The following MBD5 variants were observed in gnomAD, a reference collection of about 807,000 sequenced individuals.
MBD5 encodes methyl-CpG-binding domain protein 5.
MBD5 carries 13 observed loss-of-function variants against 117.3 expected under a neutral mutation model. The ratio of observed to expected loss-of-function variants is 0.11; its 90% confidence interval spans 0.07 to 0.18. MBD5 has a LOEUF of 0.18. MBD5 is among the 10% of genes least tolerant of loss of function. The pLI, the probability that MBD5 is intolerant of heterozygous loss-of-function variation, is 1.00. For missense variants in MBD5, 1,879 were observed against 2,093.8 expected, an observed-to-expected ratio of 0.90 and a Z score of 2.00; for synonymous variants, 727 against 766.4, an observed-to-expected ratio of 0.95 and a Z score of 0.85.
intron 2 of MBD5, among the ~76,000 whole-genome samples, chr2:148,187,084 A>G (rs1191922142): frequency 6.6e-6 from 1 of 152,082 alleles, no homozygotes. Flanking sequence ...TGCTGGGTAC[A>G]GTGGCACGTG....
At chr2:148,352,637 G>A (rs1703273717) in intron 4 of MBD5, among the ~76,000 whole-genome samples, 2 of 151,868 alleles carry the variant, frequency 1.3e-5, no homozygotes, top group Admixed American at 1.3e-4. Context: ...AAACTTTGGG[G>A]ATTGACTATT....
rs571700565 is a variant in MBD5 at position 148,227,738 on chromosome 2, A to G, written c.-830-5507A>G. ...CATTTTCACCATATTGATTCTTCCT[A>G]CCCATGAGCATGGAATGTTCTTCCA... On this transcript the variant is annotated intron_variant, in intron 2 of 13. Coordinates refer to ENST00000642680, the MANE Select transcript of MBD5 (RefSeq NM_001378120.1). 3.5e-4 allele frequency among the ~76,000 whole-genome samples: 54 copies of G among 152,212 alleles called. 1 individual carries two copies. The highest frequency in any genetic ancestry group is 2.6e-3 in the Admixed American group (39 of 15,288).
At chr2:148,302,346 C>T (rs1026995404) in intron 3 of MBD5, among the ~76,000 whole-genome samples, 1 of 152,002 alleles carries the variant, frequency 6.6e-6, no homozygotes, top group African/African-American at 2.4e-5. Context: ...TTACTTTTTC[C>T]TTTTGGAGCA....
At chr2:148,262,115 C>A (rs1264958847) in intron 3 of MBD5, among the ~76,000 whole-genome samples, 1 of 151,894 alleles carries the variant, frequency 6.6e-6, no homozygotes, top group African/African-American at 2.4e-5. Flanking sequence ...CAAGAATTAC[C>A]AAAATGTGAC....
intron 1 of MBD5, among the ~76,000 whole-genome samples, chr2:148,176,876 CAAA>C (rs145136050): frequency 2.5e-5 from 3 of 119,238 alleles, no homozygotes; most frequent in Admixed American, 8.3e-5. Context: ...AACTTAAGGA[CAAA>C]AAAAAAAAAA....
chr2:148,249,286 T>C (rs1490611469), intron 3 of MBD5, among the ~76,000 whole-genome samples: 3 of 152,178 alleles, frequency 2.0e-5, no homozygotes, highest in Non-Finnish European at 4.4e-5. Context: ...ACTTTTTGTG[T>C]CTTAATCTGA....
At chr2:148,325,856 G>A (rs966290710) in intron 3 of MBD5, among the ~76,000 whole-genome samples, 3 of 152,000 alleles carry the variant, frequency 2.0e-5, no homozygotes, top group Non-Finnish European at 4.4e-5. Flanking sequence ...TCTGATCTTA[G>A]TTACTTCTTG....
At chr2:148,441,683 C>A (rs201083119) in intron 4 of MBD5, among the ~76,000 whole-genome samples, 1 of 151,890 alleles carries the variant, frequency 6.6e-6, no homozygotes, top group Non-Finnish European at 1.5e-5. Context: ...ATCGCCACAC[C>A]GACTTCCACA....
At chr2:148,445,840 G>A (rs1559074506) in intron 4 of MBD5, among the ~76,000 whole-genome samples, 1 of 151,456 alleles carries the variant, frequency 6.6e-6, no homozygotes, top group Admixed American at 6.6e-5. Context: ...ACTGGTGTGA[G>A]ATGGTATCTC....
At chr2:148,152,839 A>C (rs1697725314) in intron 1 of MBD5, among the ~76,000 whole-genome samples, 1 of 151,902 alleles carries the variant, frequency 6.6e-6, no homozygotes, top group South Asian at 2.1e-4. Context: ...GTGTCTCTGC[A>C]CGTGAGATGG....
In MBD5 at chr2:148,490,248, G is replaced by C. The variant is rs749271694; in HGVS notation, c.4616G>C (p.Ser1539Thr). The change falls in exon 11 of 14, where the codon AGC becomes ACC. Residue 1539 changes from serine (S) to threonine (T), a missense_variant. Around this residue, in one of 4 missense-constraint regions of MBD5, gnomAD observed 1,666 missense variants for 1,792.2 expected, o/e 0.93. Coordinates refer to ENST00000642680, the MANE Select transcript of MBD5 (RefSeq NM_001378120.1). ...AGTCGGGGATTTGGAGAGCTGCTAA[G>C]CACTGCAAAGCAAGACCTGGTCCTA... is the stretch of plus-strand genomic sequence containing the variant. ...RQSRGFGELL[S>T]TAKQDLVLEE... 6.2e-7 allele frequency: 1 copy of C among 1,614,234 alleles called. No homozygotes were observed. The highest frequency in any genetic ancestry group is 1.1e-5 in the South Asian group (1 of 91,086).
intron 1 of MBD5, among the ~76,000 whole-genome samples, chr2:148,152,779 T>C (rs1697722041): frequency 6.6e-6 from 1 of 151,438 alleles, no homozygotes; most frequent in Non-Finnish European, 1.5e-5. Flanking sequence ...TTTTTTTGTT[T>C]TCCATTTGCT....
chr2:148,027,681 T>G (rs1334142716), intron 1 of MBD5: 2 of 152,090 alleles, frequency 1.3e-5, no homozygotes, highest in Admixed American at 6.5e-5. Flanking sequence ...AATCCAAAAT[T>G]CTAAATACTT....
chr2:148,053,292 G>A (rs965282154), intron 1 of MBD5, among the ~76,000 whole-genome samples: 3 of 152,156 alleles, frequency 2.0e-5, no homozygotes, highest in Admixed American at 6.5e-5. Flanking sequence ...CATGACAGCT[G>A]TGTCTCAGTA....
In MBD5 at chr2:148,038,070, A is replaced by G. The variant is rs532115511; in HGVS notation, c.-925+16386A>G. On this transcript the variant is annotated intron_variant, in intron 1 of 13. Transcript: ENST00000642680. ...AGACCCAGAAAAGGTCTCTTATCCAAGGTTATATAACAACTGGTATATCTG... is the reference window on the plus strand; with the variant it reads ...AGACCCAGAAAAGGTCTCTTATCCAGGGTTATATAACAACTGGTATATCTG... Among the ~76,000 whole-genome samples the G allele has an allele frequency of 3.9e-5, 6 of 151,958 alleles. No homozygotes were observed. The East Asian group carries it at 1.2e-3, about 29-fold the overall frequency.
intron 1 of MBD5, among the ~76,000 whole-genome samples, chr2:148,169,317 A>G (rs956758713): frequency 3.9e-5 from 6 of 152,202 alleles, no homozygotes; most frequent in Non-Finnish European, 1.5e-5. Flanking sequence ...GAGAAACTAT[A>G]TAGAATTAAG....
chr2:148,472,647 C>G (rs1016921727), intron 8 of MBD5, among the ~76,000 whole-genome samples: 35 of 152,082 alleles, frequency 2.3e-4, no homozygotes, highest in Admixed American at 1.4e-3. Context: ...TTTATTCATT[C>G]ATCAAATAAC....
At chr2:148,485,692 A>C (rs777456297) in intron 9 of MBD5, 50 bp from the exon 10 acceptor site, 3 of 1,404,142 alleles carry the variant, frequency 2.1e-6, no homozygotes, top group Non-Finnish European at 3.0e-6. Flanking sequence ...AGAGGCATCG[A>C]ATCTCCGAAG....
intron 1 of MBD5, among the ~76,000 whole-genome samples, chr2:148,048,435 C>T (rs1199217923): frequency 1.3e-5 from 2 of 152,104 alleles, no homozygotes; most frequent in East Asian, 3.9e-4. Flanking sequence ...TATGCACATA[C>T]CTATGTTGAA....
Sources: allele counts gnomAD v4.1 joint callset (sites outside exome capture counted in the v4.1 genomes callset), GRCh38; gene constraint gnomAD v4.1.1; regional missense constraint gnomAD v4.1.1; transcripts MANE v1.5; gene names NCBI Gene and HGNC (gene_info 2026-07-23, HGNC 2026-07-21).